The following NBEA variants were observed in gnomAD, a reference collection of about 807,000 sequenced individuals.
NBEA encodes the protein lysosomal-trafficking regulator 2.
A neutral mutation model predicts 343.4 loss-of-function variants in NBEA; 44 were observed. The observed-to-expected ratio is 0.13, with a 90% CI of 0.10 to 0.16. The LOEUF is 0.16. NBEA is among the 10% of genes least tolerant of loss of function. The probability of loss-of-function intolerance (pLI) is 1.00; values close to 1 mark genes in which losing one functional copy is unlikely to be tolerated. For synonymous variants in NBEA, 1,175 were observed against 1,238.7 expected, an observed-to-expected ratio of 0.95 and a Z score of 1.08; for missense variants, 2,555 against 3,631.3, an observed-to-expected ratio of 0.70 and a Z score of 7.62.
At chr13:35,345,799 G>A (rs1334401997) in intron 36 of NBEA, among the ~76,000 whole-genome samples, 1 of 152,072 alleles carries the variant, frequency 6.6e-6, no homozygotes, top group Non-Finnish European at 1.5e-5. Context: ...ATCATGATCT[G>A]AGAGTAGACT....
At chr13:34,981,261 G>T (rs1187370375) in intron 1 of NBEA, among the ~76,000 whole-genome samples, 1 of 152,100 alleles carries the variant, frequency 6.6e-6, no homozygotes, top group Admixed American at 6.6e-5. Context: ...ATATTATGTG[G>T]ATATACCACA....
intron 47 of NBEA, among the ~76,000 whole-genome samples, chr13:35,601,433 T>C (rs1337121776): frequency 6.6e-6 from 1 of 152,122 alleles, no homozygotes; most frequent in African/African-American, 2.4e-5. Context: ...TAATCATTGC[T>C]ATGCAGAAAA....
At chr13:35,394,953 A>C (rs1480451319) in intron 38 of NBEA, among the ~76,000 whole-genome samples, 1 of 151,978 alleles carries the variant, frequency 6.6e-6, no homozygotes, top group African/African-American at 2.4e-5. Context: ...TATCTGTTTT[A>C]CTTCCTTTGT....
chr13:35,061,054 A>G (rs2063450902), intron 8 of NBEA, among the ~76,000 whole-genome samples: 3 of 151,650 alleles, frequency 2.0e-5, no homozygotes, highest in South Asian at 2.1e-4. Flanking sequence ...TGTAGATAGC[A>G]TGTCAACATA....
rs1042724777 is a variant in NBEA, at chr13:35,668,274, C to A, written c.8662-94C>A. On this transcript the variant is annotated intron_variant, in intron 57 of 58. Transcript: ENST00000379939. ...TGTACTGAGTACTTTTCAGTAGTGACAGTTGGCTATTTAGGAAAAATTGAG... is the reference window on the plus strand; with the variant it reads ...TGTACTGAGTACTTTTCAGTAGTGAAAGTTGGCTATTTAGGAAAAATTGAG... 5 of 1,246,124 alleles carry A rather than the reference C, an allele frequency of 4.0e-6. No homozygotes were observed. In the South Asian group the frequency reaches 7.0e-5, roughly 17 times the overall value. The allele number at this position is 1,246,124 out of a possible 1,614,324, so 77.2% of individuals were successfully genotyped here.
intron 49 of NBEA, among the ~76,000 whole-genome samples, chr13:35,637,863 C>T (rs1006046281): frequency 2.0e-5 from 3 of 151,676 alleles, no homozygotes; most frequent in South Asian, 2.1e-4. Flanking sequence ...CCCAAGTGTC[C>T]GTGGATAGAT....
chr13:35,138,013 T>A (rs1376586745), intron 17 of NBEA, among the ~76,000 whole-genome samples: 1 of 152,050 alleles, frequency 6.6e-6, no homozygotes, highest in Non-Finnish European at 1.5e-5. Context: ...CCTGATATTA[T>A]TAGGAATCTC....
In NBEA at chr13:35,652,502, G is replaced by A. The variant is rs540699316; in HGVS notation, c.8035+626G>A. Among the ~76,000 whole-genome samples, 484 of 150,420 alleles carry A rather than the reference G, an allele frequency of 3.2e-3. 1 individual carries two copies. The highest frequency in any genetic ancestry group is 5.9e-3 in the Non-Finnish European group (401 of 67,544). ...AAAAATATAAAAAAATTAGCCAGGC[G>A]CGGTGGCGGGCACCTGTAGTCCCAG... is the stretch of plus-strand genomic sequence containing the variant. On this transcript the variant is annotated intron_variant, in intron 53 of 58. Coordinates refer to ENST00000379939, the MANE Select transcript of NBEA (RefSeq NM_001385012.1).
intron 10 of NBEA, among the ~76,000 whole-genome samples, chr13:35,089,367 C>A (rs1452585239): frequency 2.0e-5 from 3 of 150,792 alleles, no homozygotes; most frequent in Non-Finnish European, 4.4e-5. Context: ...GAGATACCAT[C>A]TCACACCAGT....
chr13:35,534,478 CT>C, intron 41 of NBEA, among the ~76,000 whole-genome samples: 1 of 152,314 alleles, frequency 6.6e-6, no homozygotes, highest in South Asian at 2.1e-4. Context: ...TCCTCCAGTG[CT>C]CTCAATGGCA....
At position 35,125,938 on chromosome 13, in the gene NBEA, T is replaced by C. The variant is rs148392311; in HGVS notation, c.2336+2364T>C. 4.1e-3 allele frequency among the ~76,000 whole-genome samples: 629 copies of C among 152,254 alleles called. 3 individuals are homozygous for C. Among genetic ancestry groups the C allele is most frequent in the African/African-American group, 0.015 (610 of 41,536 alleles). On this transcript the variant is annotated intron_variant, in intron 17 of 58. Coordinates refer to ENST00000379939, the MANE Select transcript of NBEA (RefSeq NM_001385012.1). ...CGGAGGCTTACGCAGGAGGATTGCT[T>C]GAGCCCAGGAGTTTGAGTCCAGCCT...
chr13:35,028,478 T>G (rs1416952191), intron 1 of NBEA, among the ~76,000 whole-genome samples: 1 of 151,850 alleles, frequency 6.6e-6, no homozygotes, highest in Non-Finnish European at 1.5e-5. Context: ...GAAATAGAAT[T>G]GACTTTTGTA....
chr13:35,520,377 T>C (rs1244295147), intron 41 of NBEA, among the ~76,000 whole-genome samples: 4 of 152,204 alleles, frequency 2.6e-5, no homozygotes, highest in Non-Finnish European at 5.9e-5. Context: ...ATAATAATAC[T>C]TCAGTTAAAA....
intron 38 of NBEA, among the ~76,000 whole-genome samples, chr13:35,379,892 T>C (rs1039448750): frequency 1.3e-5 from 2 of 152,160 alleles, no homozygotes; most frequent in African/African-American, 4.8e-5. Flanking sequence ...TAGATCTTTA[T>C]ACCTGGTAGT....
At chr13:35,371,303 A>C (rs2041419194) in intron 38 of NBEA, among the ~76,000 whole-genome samples, 1 of 151,868 alleles carries the variant, frequency 6.6e-6, no homozygotes, top group Admixed American at 6.6e-5. Flanking sequence ...TTTGTTTATT[A>C]TATTCTTTTT....
intron 55 of NBEA, 48 bp from the exon 56 acceptor site, chr13:35,665,036 TC>T (rs1300161994): frequency 8.1e-7 from 1 of 1,234,108 alleles, no homozygotes; most frequent in South Asian, 1.3e-5. Flanking sequence ...TGTAGCTCTC[TC>T]CCCCTGCTAT....
intron 17 of NBEA, among the ~76,000 whole-genome samples, chr13:35,141,940 C>T (rs1023653069): frequency 6.6e-6 from 1 of 151,966 alleles, no homozygotes; most frequent in South Asian, 2.1e-4. Flanking sequence ...TTAGGGGATA[C>T]CAATAATTTT....
intron 1 of NBEA, among the ~76,000 whole-genome samples, chr13:34,994,885 T>C (rs752368688): frequency 3.3e-5 from 5 of 152,230 alleles, no homozygotes; most frequent in Non-Finnish European, 7.3e-5. Flanking sequence ...GTAGGTATTA[T>C]GGGCAAATGA....
Position 34,946,724 on chromosome 13 carries a change from A to C in NBEA, c.294+3610A>C, listed in dbSNP as rs552636672. 9.7e-4 allele frequency among the ~76,000 whole-genome samples: 146 copies of C among 150,426 alleles called. 1 individual carries two copies. Among genetic ancestry groups the C allele is most frequent in the Non-Finnish European group, 1.5e-3 (102 of 67,574 alleles). On this transcript the variant is annotated intron_variant, in intron 1 of 58. Transcript: ENST00000379939. ...GATTTTTTTTTTTTTTTACATTCTA[A>C]GTGGCATGCTGTTGGCTGAACTGGA...
Sources: allele counts gnomAD v4.1 joint callset (sites outside exome capture counted in the v4.1 genomes callset), GRCh38; gene constraint gnomAD v4.1.1; transcripts MANE v1.5; gene names NCBI Gene and HGNC (gene_info 2026-07-23, HGNC 2026-07-21).